The following CLIP2 variants were observed in gnomAD, a reference collection of about 807,000 sequenced individuals.
CLIP2 encodes the protein CAP-Gly domain-containing linker protein 2.
CLIP2 carries 41 observed loss-of-function variants against 111.7 expected under a neutral mutation model. The observed-to-expected ratio is 0.37, with a 90% CI of 0.29 to 0.48. The LOEUF (loss-of-function observed/expected upper bound fraction) is 0.48. Ranked by LOEUF, CLIP2 falls within the 20% of genes least tolerant of loss-of-function variation. The probability of loss-of-function intolerance (pLI) is 0.99; values close to 1 mark genes in which losing one functional copy is unlikely to be tolerated. For synonymous variants in CLIP2, 660 were observed against 644.2 expected, an observed-to-expected ratio of 1.02 and a Z score of -0.37; for missense variants, 1,160 against 1,422.1, an observed-to-expected ratio of 0.82 and a Z score of 2.96.
At chr7:74,336,742 C>G (rs1789471924) in intron 2 of CLIP2, among the ~76,000 whole-genome samples, 1 of 152,030 alleles carries the variant, frequency 6.6e-6, no homozygotes, top group Admixed American at 6.6e-5. Flanking sequence ...ATCTCTGAGC[C>G]TCAGTTTTCT....
At chr7:74,304,420 G>C (rs1327231732) in intron 1 of CLIP2, among the ~76,000 whole-genome samples, 1 of 151,984 alleles carries the variant, frequency 6.6e-6, no homozygotes, top group Non-Finnish European at 1.5e-5. Flanking sequence ...CAGCTACTCG[G>C]GAGGCTGAGG....
chr7:74,336,498 G>A lies in CLIP2; in HGVS notation c.122-1950G>A, dbSNP rs114833255. 5.0e-3 allele frequency among the ~76,000 whole-genome samples: 753 copies of A among 152,082 alleles called. 8 individuals carry two copies. Among genetic ancestry groups the A allele is most frequent in the African/African-American group, 0.017 (706 of 41,510 alleles). On this transcript the variant is annotated intron_variant, in intron 2 of 16. Coordinates refer to ENST00000223398, the MANE Select transcript of CLIP2 (RefSeq NM_003388.5). ...TGGCGGCAGACAAGAGAGAATGAGA[G>A]CCAAGCAGAAGGGGAAACCTCTTAT... is the stretch of plus-strand genomic sequence containing the variant.
chr7:74,289,685 C>T lies in CLIP2; in HGVS notation c.-117C>T, dbSNP rs1269419129. ...GCGCCCGGGCCCGAGAGGAGGAGGC[C>T]GGGGCTCTCCGGGCCTCCCGCCGCT... On this transcript the variant is annotated 5_prime_UTR_variant, in exon 1 of 17. Coordinates refer to ENST00000223398, the MANE Select transcript of CLIP2 (RefSeq NM_003388.5). 2 of 152,074 alleles carry T rather than the reference C, an allele frequency of 1.3e-5. No individual in the cohort carries two copies. The highest frequency in any genetic ancestry group is 2.9e-5 in the Non-Finnish European group (2 of 68,008). The allele number at this position is 152,074 out of a possible 1,614,324, so 9.4% of individuals were successfully genotyped here. A position where few individuals can be genotyped will look rare whatever the true frequency, so the allele number is the denominator to read the frequency against.
intron 2 of CLIP2, among the ~76,000 whole-genome samples, chr7:74,318,448 C>T (rs1330698533): frequency 6.6e-6 from 1 of 152,148 alleles, no homozygotes; most frequent in Admixed American, 6.6e-5. Flanking sequence ...CATGGAGGCT[C>T]ATGCCTGTAA....
At chr7:74,380,724 T>A in intron 10 of CLIP2, 82 bp from the exon 11 acceptor site, 1 of 1,176,844 alleles carries the variant, frequency 8.5e-7, no homozygotes, top group Non-Finnish European at 1.2e-6. Context: ...GTGTGCAAAC[T>A]GCAGGTGTGC....
intron 2 of CLIP2, among the ~76,000 whole-genome samples, chr7:74,324,244 G>A (rs1028902403): frequency 1.3e-5 from 2 of 152,050 alleles, no homozygotes; most frequent in African/African-American, 4.8e-5. Flanking sequence ...CTCCCGCCTC[G>A]GCCTCCCAAA....
intron 2 of CLIP2, among the ~76,000 whole-genome samples, chr7:74,325,390 C>T (rs782695726): frequency 6.6e-6 from 1 of 151,992 alleles, no homozygotes; most frequent in East Asian, 1.9e-4. Flanking sequence ...CGGGTGTGAC[C>T]GAGCACACCT....
At position 74,372,821 on chromosome 7, in the gene CLIP2, C is replaced by T. The variant is rs897882877; in HGVS notation, c.1381-111C>T. 7.3e-6 allele frequency: 5 copies of T among 684,770 alleles called. No individual in the cohort carries two copies. In the Admixed American group the frequency reaches 9.9e-5, roughly 14 times the overall value. 42.4% of individuals were successfully genotyped at this position (684,770 alleles called of 1,614,324 possible). A position where few individuals can be genotyped will look rare whatever the true frequency, so the allele number is the denominator to read the frequency against. On this transcript the variant is annotated intron_variant, in intron 8 of 16. Coordinates refer to ENST00000223398, the MANE Select transcript of CLIP2 (RefSeq NM_003388.5). ...TCGCCTTGTTCACGGAAGATGACGC[C>T]TCCTCTCTCTCTCTCTCTCTTTCTC... is the stretch of plus-strand genomic sequence containing the variant.
intron 11 of CLIP2, among the ~76,000 whole-genome samples, chr7:74,382,282 G>T (rs1444289017): frequency 2.1e-5 from 3 of 140,992 alleles, no homozygotes; most frequent in African/African-American, 7.8e-5. Context: ...TAGAGACGGG[G>T]TTTCTCCATG....
Position 74,403,845 on chromosome 7 carries a change from C to G in CLIP2, c.3138C>G (p.His1046Gln). Reference protein sequence around the residue: ...QDKAQKQEDKH With the variant: ...QDKAQKQEDKQ ...CCCTTTACTCTCTCTAGGACAAGCA[C>G]TGATCCTGAGGGGATACTGTGGAGC... is the stretch of plus-strand genomic sequence containing the variant. Residue 1046 changes from histidine to glutamine, a missense_variant, in exon 17 of 17, where the codon CAC (histidine) becomes CAG (glutamine). By Grantham distance (24) the His-to-Gln change is conservative (BLOSUM62 0). Around this residue, in one of 5 missense-constraint regions of CLIP2, gnomAD observed 676 missense variants for 777.8 expected, o/e 0.87. Coordinates refer to ENST00000223398, the MANE Select transcript of CLIP2 (RefSeq NM_003388.5). 6.2e-7 allele frequency: 1 copy of G among 1,613,358 alleles called. No homozygotes were observed. The highest frequency in any genetic ancestry group is 8.5e-7 in the Non-Finnish European group (1 of 1,179,870).
At chr7:74,357,731 A>ATTAT (rs1317770580) in intron 6 of CLIP2, among the ~76,000 whole-genome samples, 1 of 151,016 alleles carries the variant, frequency 6.6e-6, no homozygotes, top group African/African-American at 2.4e-5. Context: ...CTGCTTTTTA[A>ATTAT]TTATTTATTT....
chr7:74,357,686 C>T (rs1460477071), intron 6 of CLIP2, among the ~76,000 whole-genome samples: 1 of 152,148 alleles, frequency 6.6e-6, no homozygotes, highest in Non-Finnish European at 1.5e-5. Context: ...GATACATACA[C>T]CTACTTTCAG....
Position 74,317,509 on chromosome 7 carries a change from C to A in CLIP2, c.-38C>A. On this transcript the variant is annotated 5_prime_UTR_variant, in exon 2 of 17. Transcript: ENST00000223398. ...GTGAAGATGGCAGAGAGGACGTGAC[C>A]AGCACTCACCCTTGTCCACCTGCCC... is the stretch of plus-strand genomic sequence containing the variant. 1.5e-6 allele frequency: 2 copies of A among 1,368,442 alleles called. No homozygotes were observed. Among genetic ancestry groups the A allele is most frequent in the Non-Finnish European group, 9.5e-7 (1 of 1,050,994 alleles). 84.8% of individuals were successfully genotyped at this position (1,368,442 alleles called of 1,614,324 possible).
At chr7:74,371,812 A>C (rs1386708379) in intron 8 of CLIP2, among the ~76,000 whole-genome samples, 1 of 152,098 alleles carries the variant, frequency 6.6e-6, no homozygotes, top group Non-Finnish European at 1.5e-5. Context: ...TCCTTAAGGA[A>C]AATTCAAGAA....
intron 9 of CLIP2, among the ~76,000 whole-genome samples, chr7:74,374,226 C>CTGTGTGCA (rs1328517731): frequency 6.6e-6 from 1 of 152,234 alleles, no homozygotes; most frequent in Non-Finnish European, 1.5e-5. Context: ...GCACAAGTGG[C>CTGTGTGCA]TGTGTGCATG....
In CLIP2 at chr7:74,338,494, C is replaced by T. The variant is rs782650652; in HGVS notation, c.168C>T (p.Ala56=). The T allele has an allele frequency of 1.4e-5, 23 of 1,612,066 alleles. No individual in the cohort carries two copies. The highest frequency in any genetic ancestry group is 1.3e-4 in the East Asian group (6 of 44,848). ...KQSSGPSSSP[A]AAAAPEKPGP... ...CATCTGGACCCTCCTCCTCCCCGGC[C>T]GCAGCTGCTGCCCCCGAGAAGCCGG... Residue 56 remains alanine (A), a synonymous_variant, in exon 3 of 17, where the codon GCC becomes GCT. Coordinates refer to ENST00000223398, the MANE Select transcript of CLIP2 (RefSeq NM_003388.5). This position sits in a 1 kb window ranked among gnomAD's most constrained non-coding sequence, Gnocchi z 4.3.
At chr7:74,374,098 C>T (rs1790711665) in intron 9 of CLIP2, among the ~76,000 whole-genome samples, 1 of 152,118 alleles carries the variant, frequency 6.6e-6, no homozygotes, top group African/African-American at 2.4e-5. Flanking sequence ...GCCGGCCCCC[C>T]AGCAGTCCCT....
intron 16 of CLIP2, among the ~76,000 whole-genome samples, chr7:74,402,618 G>A (rs1276434677): frequency 6.6e-6 from 1 of 152,164 alleles, no homozygotes; most frequent in African/African-American, 2.4e-5. Flanking sequence ...CTCAAGCCCA[G>A]GAGTTTGAGG....
rs1184732865 is a variant in CLIP2 at position 74,289,421 on chromosome 7, C to G, written c.-381C>G. 1 of 151,034 alleles carries G rather than the reference C, an allele frequency of 6.6e-6. No homozygotes were observed. Among genetic ancestry groups the G allele is most frequent in the Non-Finnish European group, 1.5e-5 (1 of 67,540 alleles). The allele number at this position is 151,034 out of a possible 1,614,324, so 9.4% of individuals were successfully genotyped here. ...CTGCGCCGGCCCCTTTTGTTCCCTC[C>G]CGGAGCCGGGCCGCTGGCTCCGCTG... is the stretch of plus-strand genomic sequence containing the variant. On this transcript the variant is annotated 5_prime_UTR_variant, in exon 1 of 17. Coordinates refer to ENST00000223398, the MANE Select transcript of CLIP2 (RefSeq NM_003388.5).
Sources: gnomAD v4.1 joint callset for allele counts (sites outside exome capture counted in the v4.1 genomes callset) on GRCh38, gnomAD v4.1.1 for gene constraint, gnomAD v4.1.1 regional missense constraint, Gnocchi (gnomAD v3.1) non-coding constraint, MANE v1.5 for transcripts, NCBI Gene and HGNC (gene_info 2026-07-23, HGNC 2026-07-21) for gene names.